Variants in MYH9 observed in about 807,000 individuals in gnomAD.
The protein encoded by MYH9 is myosin heavy chain 9.
A neutral mutation model predicts 241.9 loss-of-function variants in MYH9; 29 were observed. The ratio of observed to expected loss-of-function variants is 0.12; its 90% CI spans 0.09 to 0.16. MYH9 has a LOEUF of 0.16. Ranked by LOEUF, MYH9 falls within the 10% of genes least tolerant of loss-of-function variation. The pLI is 1.00. For synonymous variants in MYH9, 1,047 were observed against 1,062.6 expected (o/e 0.99, Z 0.29); for missense variants, 1,803 against 2,595.5 (o/e 0.69, Z 6.63).
chr22:36,288,971 A>T lies in MYH9; in HGVS notation c.4558-32T>A. The T allele has an allele frequency of 6.2e-7, 1 of 1,613,320 alleles. No individual in the cohort carries two copies. Among genetic ancestry groups the T allele is most frequent in the Non-Finnish European group, 8.5e-7 (1 of 1,179,980 alleles). On this transcript the variant is annotated intron_variant, in intron 32 of 40. Transcript: ENST00000216181. The surrounding 1 kb of genome is among the most constrained non-coding windows in gnomAD (Gnocchi z 4.8). ...CCCAGAGAGCCCAAGTCAGGAGCAAAGGGACTGGCAGGTACCTGGGTCTGC... is the reference window on the plus strand; with the variant it reads ...CCCAGAGAGCCCAAGTCAGGAGCAATGGGACTGGCAGGTACCTGGGTCTGC...
chr22:36,355,976 G>T (rs1434788117), intron 1 of MYH9, among the ~76,000 whole-genome samples: 1 of 152,214 alleles, frequency 6.6e-6, no homozygotes, highest in Non-Finnish European at 1.5e-5. Context: ...AAGAAAGAAG[G>T]TGGGAGTGTG....
Position 36,316,638 on chromosome 22 carries a change from G to A in MYH9, c.1259C>T (p.Ala420Val), listed in dbSNP as rs779646317. 2.5e-6 allele frequency: 4 copies of A among 1,614,008 alleles called. No individual in the cohort carries two copies. The highest frequency in any genetic ancestry group is 2.2e-5 in the East Asian group (1 of 44,876). ...ADFAIEALAK[A>V]TYERMFRWLV... ...CCAGCGGAACATCCGCTCATAGGTC[G>A]CCTTGGCCAAGGCCTCGATGGCAAA... Residue 420 changes from alanine (A) to valine (V), a missense_variant, in exon 12 of 41, where the codon GCG becomes GTG. Ala to Val is a moderately conservative substitution (Grantham distance 64, BLOSUM62 0). This residue lies in a region of MYH9 where 222 missense variants were observed against 359.9 expected (regional missense o/e 0.62). Transcript: ENST00000216181.
chr22:36,347,914 C>G (rs1051474326), intron 2 of MYH9, among the ~76,000 whole-genome samples: 3 of 151,288 alleles, frequency 2.0e-5, no homozygotes, highest in African/African-American at 7.3e-5. Flanking sequence ...AGCAGGAAAC[C>G]AGGAACTGGC....
chr22:36,302,810 G>C (rs1720836531), intron 19 of MYH9, 134 bp from the exon 20 acceptor site: 1 of 732,324 alleles, frequency 1.4e-6, no homozygotes, highest in Admixed American at 2.0e-5. Flanking sequence ...TCAGGGAAGG[G>C]GTCTGGCCTT....
intron 13 of MYH9, among the ~76,000 whole-genome samples, chr22:36,313,637 C>T (rs966338385): frequency 2.8e-5 from 4 of 144,434 alleles, no homozygotes; most frequent in African/African-American, 7.4e-5. Context: ...CTAATGCTGG[C>T]GATAAAAGCA....
At chr22:36,327,256 G>T (rs1341675151) in intron 4 of MYH9, among the ~76,000 whole-genome samples, 1 of 152,164 alleles carries the variant, frequency 6.6e-6, no homozygotes, top group East Asian at 1.9e-4. Flanking sequence ...GAGGAAGGAT[G>T]ATTGAAATTG....
intron 1 of MYH9, among the ~76,000 whole-genome samples, chr22:36,375,301 C>T (rs574756692): frequency 3.9e-5 from 6 of 152,218 alleles, no homozygotes; most frequent in East Asian, 1.9e-4. Flanking sequence ...CCTGGATTCA[C>T]GCTGGGGCCA....
chr22:36,324,603 CG>C (rs2017306839), intron 5 of MYH9, among the ~76,000 whole-genome samples: 1 of 152,248 alleles, frequency 6.6e-6, no homozygotes, highest in African/African-American at 2.4e-5. Context: ...AGGGTCAACT[CG>C]GTCACTGCAA....
intron 1 of MYH9, among the ~76,000 whole-genome samples, chr22:36,357,672 C>CCCATCTCTGAAGT (rs1202531318): frequency 6.6e-6 from 1 of 152,158 alleles, no homozygotes; most frequent in Non-Finnish European, 1.5e-5. Context: ...GTCATCCTCC[C>CCCATCTCTGAAGT]CCATCTCTGA....
intron 1 of MYH9, among the ~76,000 whole-genome samples, chr22:36,386,604 G>C (rs1370702854): frequency 6.6e-6 from 1 of 152,120 alleles, no homozygotes; most frequent in Non-Finnish European, 1.5e-5. Flanking sequence ...GAAGTGGCTG[G>C]GCCTCTCAAC....
chr22:36,307,624 G>C (rs558431655), intron 15 of MYH9, among the ~76,000 whole-genome samples: 1 of 152,148 alleles, frequency 6.6e-6, no homozygotes. Flanking sequence ...ATGGTGGCTC[G>C]CGCCTGTAAT....
chr22:36,325,619 C>T (rs1162652820), intron 5 of MYH9, among the ~76,000 whole-genome samples: 1 of 152,248 alleles, frequency 6.6e-6, no homozygotes, highest in African/African-American at 2.4e-5. Flanking sequence ...CAGGTGAGGG[C>T]AGCCGGCCAT....
intron 1 of MYH9, among the ~76,000 whole-genome samples, chr22:36,356,846 T>C (rs571662610): frequency 6.6e-6 from 1 of 152,356 alleles, no homozygotes; most frequent in South Asian, 2.1e-4. Flanking sequence ...CTGGGCTTCC[T>C]TCTGTCCTGT....
At chr22:36,336,329 G>A (rs781706993) in intron 3 of MYH9, among the ~76,000 whole-genome samples, 30 of 152,368 alleles carry the variant, frequency 2.0e-4, no homozygotes, top group Non-Finnish European at 4.0e-4. Context: ...AGACCCCAGA[G>A]GGTCTGGCCC....
intron 15 of MYH9, 122 bp downstream of exon 15, chr22:36,309,160 C>T (rs2017019755): frequency 4.7e-6 from 4 of 851,862 alleles, no homozygotes; most frequent in Non-Finnish European, 5.9e-6. Flanking sequence ...GGGCAGAGAC[C>T]ACCTGGCCTA....
rs143947828 is a variant in MYH9 at position 36,288,306 on chromosome 22, G to A, written c.4878C>T (p.Ile1626=). ...CGTCCCGGTTCTTGTTGGCCGAGTC[G>A]ATGTGCGCCTCCAGGTCCTTCAGGT... ...EMDLKDLEAH[I]DSANKNRDEA... The change falls in exon 34 of 41, where the codon ATC becomes ATT. Residue 1626 remains isoleucine, a synonymous_variant. Transcript: ENST00000216181. The surrounding 1 kb of genome is among the most constrained non-coding windows in gnomAD (Gnocchi z 4.8). 7.2e-4 allele frequency: 1,155 copies of A among 1,614,114 alleles called. 3 individuals are homozygous for A. The highest frequency in any genetic ancestry group is 9.9e-4 in the Middle Eastern group (6 of 6,062).
chr22:36,300,854 G>T lies in MYH9; in HGVS notation c.2835C>A (p.Ile945=). The T allele has an allele frequency of 6.2e-7, 1 of 1,600,926 alleles. No homozygotes were observed. The highest frequency in any genetic ancestry group is 2.2e-5 in the East Asian group (1 of 44,884). The change falls in exon 22 of 41, where the codon ATC becomes ATA. Residue 945 remains isoleucine (I), a synonymous_variant. Transcript: ENST00000216181. This position sits in a 1 kb window ranked among gnomAD's most constrained non-coding sequence, Gnocchi z 5.0. ...QAEKKKMQQN[I]QELEEQLEEE... is the part of the protein sequence containing the mutation. ...CCCGGGTGCAGCGGGCAGGAACCTGGATGTTCTGCTGCATCTTCTTCTTCT... is the reference window on the plus strand; with the variant it reads ...CCCGGGTGCAGCGGGCAGGAACCTGTATGTTCTGCTGCATCTTCTTCTTCT...
chr22:36,301,092 C>A, intron 21 of MYH9, 35 bp from the exon 22 acceptor site: 1 of 1,585,122 alleles, frequency 6.3e-7, no homozygotes, highest in Non-Finnish European at 8.6e-7. Flanking sequence ...AAGCTCCTCG[C>A]AACACCCTCA....
chr22:36,294,311 A>G lies in MYH9; in HGVS notation c.3631-13T>C. 1.2e-6 allele frequency: 2 copies of G among 1,612,906 alleles called. No individual in the cohort carries two copies. The highest frequency in any genetic ancestry group is 2.2e-5 in the South Asian group (2 of 91,088). ...GGTTTGCTTTCACCTAGCAGGGAAG[A>G]AAGCAAAGACGTGAGTGGGGGCCTC... is the stretch of plus-strand genomic sequence containing the variant. On this transcript the variant is annotated splice_polypyrimidine_tract_variant and intron_variant, in intron 27 of 40. Coordinates refer to ENST00000216181, the MANE Select transcript of MYH9 (RefSeq NM_002473.6).
Sources: gnomAD v4.1 joint callset for allele counts (sites outside exome capture counted in the v4.1 genomes callset) on GRCh38, gnomAD v4.1.1 for gene constraint, gnomAD v4.1.1 regional missense constraint, Gnocchi (gnomAD v3.1) non-coding constraint, MANE v1.5 for transcripts, NCBI Gene and HGNC (gene_info 2026-07-23, HGNC 2026-07-21) for gene names.